TENM4: variants seen among roughly 807,000 people sequenced by gnomAD.
TENM4 encodes teneurin transmembrane protein 4, also known as teneurin-4.
TENM4 carries 82 observed loss-of-function variants against 243.3 expected under a neutral mutation model. That is an observed-to-expected ratio of 0.34 (90% CI 0.28 to 0.40). TENM4 has a LOEUF of 0.40. TENM4 is among the 10% of genes least tolerant of loss of function. TENM4 has a pLI of 1.00. For missense variants in TENM4, 3,138 were observed against 3,673.3 expected, an observed-to-expected ratio of 0.85 and a Z score of 3.77; for synonymous variants, 1,412 against 1,456.3, an observed-to-expected ratio of 0.97 and a Z score of 0.69.
chr11:78,729,356 C>G lies in TENM4; in HGVS notation c.3406+20G>C, dbSNP rs1461518304. 1 of 1,557,528 alleles carries G rather than the reference C, an allele frequency of 6.4e-7. No individual in the cohort carries two copies. The highest frequency in any genetic ancestry group is 1.2e-5 in the South Asian group (1 of 84,632). ...TCCCTGCAAGAGCTATTCTCTGAGT[C>G]CTGCAGCCGGGAGGCTTACCAAAGG... On this transcript the variant is annotated intron_variant, in intron 22 of 33. Coordinates refer to ENST00000278550, the MANE Select transcript of TENM4 (RefSeq NM_001098816.3).
chr11:79,072,849 A>G (rs1045028566), intron 4 of TENM4, among the ~76,000 whole-genome samples: 1 of 152,206 alleles, frequency 6.6e-6, no homozygotes, highest in Non-Finnish European at 1.5e-5. Context: ...CATTATTAAT[A>G]TGACTCACTA....
intron 29 of TENM4, among the ~76,000 whole-genome samples, chr11:78,684,473 A>G (rs1858608518): frequency 6.6e-6 from 1 of 152,160 alleles, no homozygotes; most frequent in African/African-American, 2.4e-5. Context: ...AGTCACTGTC[A>G]TGTGTGTCTC....
intron 6 of TENM4, among the ~76,000 whole-genome samples, chr11:78,931,313 A>T (rs1157744885): frequency 6.6e-6 from 1 of 152,186 alleles, no homozygotes; most frequent in Non-Finnish European, 1.5e-5. Context: ...CAGCAGGCCC[A>T]TATTAAAAAG....
At chr11:79,079,684 C>T (rs1860617025) in intron 4 of TENM4, among the ~76,000 whole-genome samples, 1 of 152,066 alleles carries the variant, frequency 6.6e-6, no homozygotes, top group African/African-American at 2.4e-5. Flanking sequence ...CAAGAATTAG[C>T]TGGGTGTGGT....
At chr11:79,015,496 G>A (rs2136774222) in intron 6 of TENM4, among the ~76,000 whole-genome samples, 1 of 152,174 alleles carries the variant, frequency 6.6e-6, no homozygotes, top group African/African-American at 2.4e-5. Flanking sequence ...GTGTGTGTGT[G>A]TGTGTGTGTG....
intron 6 of TENM4, among the ~76,000 whole-genome samples, chr11:78,915,616 T>C (rs1219789881): frequency 6.6e-6 from 1 of 152,004 alleles, no homozygotes; most frequent in Non-Finnish European, 1.5e-5. Context: ...AAACTTTTTA[T>C]TTTTATCCAC....
chr11:78,761,951 T>C (rs1856439572), intron 18 of TENM4, among the ~76,000 whole-genome samples: 1 of 152,220 alleles, frequency 6.6e-6, no homozygotes, highest in Non-Finnish European at 1.5e-5. Context: ...CTTGGGCTCC[T>C]GTGCCCACTG....
At chr11:78,816,236 G>A (rs2136110703) in intron 12 of TENM4, among the ~76,000 whole-genome samples, 1 of 152,292 alleles carries the variant, frequency 6.6e-6, no homozygotes, top group Non-Finnish European at 1.5e-5. Flanking sequence ...CATACCCTGG[G>A]CACCTTGCTA....
chr11:79,407,088 T>G (rs1283855731), intron 1 of TENM4, among the ~76,000 whole-genome samples: 3 of 152,186 alleles, frequency 2.0e-5, no homozygotes, highest in African/African-American at 4.8e-5. Flanking sequence ...CTGTGTGGAC[T>G]GATCATTCAC....
At chr11:79,413,956 T>C (rs1858756998) in intron 1 of TENM4, among the ~76,000 whole-genome samples, 3 of 152,096 alleles carry the variant, frequency 2.0e-5, no homozygotes, top group Admixed American at 2.0e-4. Context: ...GAAAGATCAA[T>C]TCCTTGTGGC....
intron 6 of TENM4, among the ~76,000 whole-genome samples, chr11:78,953,050 A>T (rs1016611289): frequency 8.5e-5 from 13 of 152,170 alleles, no homozygotes; most frequent in African/African-American, 3.1e-4. Flanking sequence ...GTGGAGCATA[A>T]ATGAATTACC....
chr11:78,975,694 G>A (rs1267104009), intron 6 of TENM4, among the ~76,000 whole-genome samples: 4 of 151,418 alleles, frequency 2.6e-5, no homozygotes, highest in Middle Eastern at 6.8e-3. Context: ...GATGGAGTAA[G>A]ACCAGAATCT....
intron 6 of TENM4, among the ~76,000 whole-genome samples, chr11:78,981,271 C>A (rs1857787423): frequency 6.6e-6 from 1 of 152,194 alleles, no homozygotes; most frequent in South Asian, 2.1e-4. Context: ...AGGATAGTAA[C>A]AACCCATCCC....
At chr11:78,885,892 T>C (rs1369101616) in intron 9 of TENM4, among the ~76,000 whole-genome samples, 2 of 152,152 alleles carry the variant, frequency 1.3e-5, no homozygotes, top group Non-Finnish European at 2.9e-5. Context: ...GCCGGTGCAC[T>C]CCAGCTTGGG....
At chr11:78,879,388 C>T (rs1172128545) in intron 9 of TENM4, among the ~76,000 whole-genome samples, 9 of 151,988 alleles carry the variant, frequency 5.9e-5, no homozygotes, top group African/African-American at 9.6e-5. Flanking sequence ...GCCTGGCAGC[C>T]GCCCTGTCTG....
chr11:78,759,844 T>C (rs1410665570), intron 18 of TENM4, among the ~76,000 whole-genome samples: 1 of 152,222 alleles, frequency 6.6e-6, no homozygotes, highest in Non-Finnish European at 1.5e-5. Context: ...GTAAAGGTCA[T>C]GTAGTCAGTG....
rs75058421 is a variant in TENM4, at chr11:79,150,328, C to T, written c.-162-1522G>A. ...AAGCCTGGTGTTAGGTCTTGGGTGC[C>T]AGAACATCAGTCTTGCAGGGGAGAG... On this transcript the variant is annotated intron_variant, in intron 3 of 33. Transcript: ENST00000278550. Among the ~76,000 whole-genome samples, 8 of 152,206 alleles carry T rather than the reference C, an allele frequency of 5.3e-5. No homozygotes were observed. The East Asian group carries it at 1.5e-3, about 29-fold the overall frequency.
At chr11:79,398,709 C>A (rs979568361) in intron 1 of TENM4, among the ~76,000 whole-genome samples, 1 of 147,606 alleles carries the variant, frequency 6.8e-6, no homozygotes, top group East Asian at 2.0e-4. Context: ...GAGTACCTGG[C>A]CCTGTGATAG....
intron 1 of TENM4, among the ~76,000 whole-genome samples, chr11:79,390,681 T>A (rs189119802): frequency 2.0e-5 from 3 of 152,314 alleles, no homozygotes; most frequent in Admixed American, 2.0e-4. Context: ...GTTCTCAGAA[T>A]GCCACATTAG....
Sources: allele counts gnomAD v4.1 joint callset (sites outside exome capture counted in the v4.1 genomes callset), GRCh38; gene constraint gnomAD v4.1.1; transcripts MANE v1.5; gene names NCBI Gene and HGNC (gene_info 2026-07-23, HGNC 2026-07-21).